The following CDH4 variants were observed in gnomAD, a reference collection of about 807,000 sequenced individuals.
The protein encoded by CDH4 is cadherin 4.
CDH4 carries 33 observed loss-of-function variants against 86.0 expected under a neutral mutation model. That is an observed-to-expected ratio of 0.38 (90% confidence interval 0.29 to 0.51). The LOEUF (loss-of-function observed/expected upper bound fraction) is 0.51. Ranked by LOEUF, CDH4 falls within the 20% of genes least tolerant of loss-of-function variation. CDH4 has a pLI of 0.86. For missense variants in CDH4, 1,114 were observed against 1,307.4 expected, an observed-to-expected ratio of 0.85 and a Z score of 2.28; for synonymous variants, 555 against 549.4, an observed-to-expected ratio of 1.01 and a Z score of -0.14.
At chr20:61,415,748 G>A (rs765993249) in intron 2 of CDH4, among the ~76,000 whole-genome samples, 22 of 151,992 alleles carry the variant, frequency 1.4e-4, no homozygotes, top group Admixed American at 2.6e-4. Flanking sequence ...CACCCAGGCC[G>A]AAGTGCAGTG....
intron 2 of CDH4, among the ~76,000 whole-genome samples, chr20:61,513,269 C>T (rs559884576): frequency 8.7e-4 from 132 of 152,326 alleles, no homozygotes; most frequent in African/African-American, 3.1e-3. Flanking sequence ...GCTGTGATGC[C>T]ACAAGGCTGC....
chr20:61,536,553 T>C (rs62199197), intron 2 of CDH4, among the ~76,000 whole-genome samples: 7,844 of 151,994 alleles, frequency 0.052, 268 homozygotes, highest in African/African-American at 0.082. Context: ...CTTCCGATGC[T>C]CCCCAGGCAC....
At chr20:61,443,361 C>A (rs1377751682) in intron 2 of CDH4, among the ~76,000 whole-genome samples, 1 of 152,194 alleles carries the variant, frequency 6.6e-6, no homozygotes, top group Non-Finnish European at 1.5e-5. Context: ...TGGTGTTAAA[C>A]CCTGAGCCGC....
At position 61,845,845 on chromosome 20, in the gene CDH4, G is replaced by A. The variant is rs530523608; in HGVS notation, c.732+1022G>A. On this transcript the variant is annotated intron_variant, in intron 5 of 15. Coordinates refer to ENST00000614565, the MANE Select transcript of CDH4 (RefSeq NM_001794.5). ...TTCCACCTTCGCTTGGCTTCAGTCA[G>A]TGGCACCGAACAGGGCCCGACCCTG... Among the ~76,000 whole-genome samples, 3 of 152,368 alleles carry A rather than the reference G, an allele frequency of 2.0e-5. No homozygotes were observed. The East Asian group carries it at 5.8e-4, about 29-fold the overall frequency.
At chr20:61,865,011 CCT>C (rs1046803146) in intron 6 of CDH4, among the ~76,000 whole-genome samples, 7 of 152,290 alleles carry the variant, frequency 4.6e-5, no homozygotes, top group East Asian at 1.9e-4. Context: ...TAAATCCACC[CCT>C]GAGTGGATTC....
At chr20:61,458,245 G>A (rs2085420617) in intron 2 of CDH4, among the ~76,000 whole-genome samples, 1 of 151,846 alleles carries the variant, frequency 6.6e-6, no homozygotes, top group African/African-American at 2.4e-5. Context: ...TGATGGTTAT[G>A]GTCATGATGT....
intron 2 of CDH4, among the ~76,000 whole-genome samples, chr20:61,625,052 C>T (rs976821768): frequency 1.3e-5 from 2 of 152,150 alleles, no homozygotes; most frequent in Admixed American, 6.5e-5. Flanking sequence ...CTTTTGTTTC[C>T]GAGTCATGGG....
chr20:61,803,895 G>T (rs1015356780), intron 4 of CDH4, among the ~76,000 whole-genome samples: 2 of 152,266 alleles, frequency 1.3e-5, no homozygotes, highest in Non-Finnish European at 2.9e-5. Context: ...GCTGCAGAGC[G>T]TGAGGCCGGC....
At chr20:61,543,473 T>C (rs936466268) in intron 2 of CDH4, among the ~76,000 whole-genome samples, 5 of 152,262 alleles carry the variant, frequency 3.3e-5, no homozygotes, top group African/African-American at 9.6e-5. Flanking sequence ...AAAATGTCGC[T>C]AAATTCACTA....
At chr20:61,343,382 G>C (rs912094649) in intron 2 of CDH4, among the ~76,000 whole-genome samples, 1 of 152,358 alleles carries the variant, frequency 6.6e-6, no homozygotes, top group Middle Eastern at 3.4e-3. Context: ...TGGGAGCCAG[G>C]AACATGAAAA....
intron 9 of CDH4, among the ~76,000 whole-genome samples, chr20:61,919,027 C>T (rs188049788): frequency 5.9e-5 from 9 of 152,250 alleles, no homozygotes; most frequent in Non-Finnish European, 1.2e-4. Flanking sequence ...TGTGCTACCA[C>T]GCTCAACTAA....
Position 61,663,754 on chromosome 20 carries a change from G to A in CDH4, c.170-79809G>A, listed in dbSNP as rs1008932473. On this transcript the variant is annotated intron_variant, in intron 2 of 15. Coordinates refer to ENST00000614565, the MANE Select transcript of CDH4 (RefSeq NM_001794.5). The surrounding 1 kb of genome is among the most constrained non-coding windows in gnomAD (Gnocchi z 5.0). ...CAGGGCTGACAGACGCGGGGTCGGG[G>A]GAAGATCAGGAGCTCCCGGTGTCCA... 2.0e-5 allele frequency among the ~76,000 whole-genome samples: 3 copies of A among 152,136 alleles called. No individual in the cohort carries two copies. The highest frequency in any genetic ancestry group is 4.8e-5 in the African/African-American group (2 of 41,420).
chr20:61,664,019 T>G (rs986340163), intron 2 of CDH4, among the ~76,000 whole-genome samples: 2 of 151,962 alleles, frequency 1.3e-5, no homozygotes, highest in African/African-American at 4.8e-5. Context: ...CCAGGCCTGG[T>G]GACAGGTGCT....
At chr20:61,756,244 A>G (rs1027991555) in intron 3 of CDH4, among the ~76,000 whole-genome samples, 5 of 151,418 alleles carry the variant, frequency 3.3e-5, no homozygotes, top group Admixed American at 6.6e-5. Context: ...GCTCCTCTCA[A>G]CCCTGGCCAG....
At chr20:61,906,098 C>T (rs2054785400) in intron 8 of CDH4, among the ~76,000 whole-genome samples, 1 of 152,244 alleles carries the variant, frequency 6.6e-6, no homozygotes, top group Non-Finnish European at 1.5e-5. Flanking sequence ...GCCGCCAGAA[C>T]TGACCCCTAA....
intron 2 of CDH4, among the ~76,000 whole-genome samples, chr20:61,420,213 C>G (rs1394607111): frequency 6.6e-6 from 1 of 152,250 alleles, no homozygotes; most frequent in African/African-American, 2.4e-5. Context: ...GAGCAAGCCT[C>G]CCTCTGCAGG....
At chr20:61,374,010 C>A (rs1013816507) in intron 2 of CDH4, among the ~76,000 whole-genome samples, 1 of 152,088 alleles carries the variant, frequency 6.6e-6, no homozygotes, top group Admixed American at 6.6e-5. Flanking sequence ...GCAGTGCGCA[C>A]GGCGGGTGTG....
At chr20:61,595,371 T>C (rs1463387101) in intron 2 of CDH4, among the ~76,000 whole-genome samples, 1 of 152,248 alleles carries the variant, frequency 6.6e-6, no homozygotes, top group African/African-American at 2.4e-5. Context: ...TCCCTTTGCA[T>C]GGAGTGTGCC....
In CDH4 at chr20:61,844,809, C is replaced by T; in HGVS notation, c.718C>T (p.His240Tyr). The change falls in exon 5 of 16, where the codon CAC becomes TAC. Residue 240 changes from histidine to tyrosine, a missense_variant. Physicochemically the swap from His to Tyr is moderately conservative, Grantham distance 83. Around this residue, in one of 3 missense-constraint regions of CDH4, gnomAD observed 705 missense variants for 914.1 expected, o/e 0.77. Transcript: ENST00000614565. ...CACAAGGCCCATGGACCGGGAGGAG[C>T]ACGCCTCTTACCACGTGAGTGTCCA... ...YVTRPMDREE[H>Y]ASYHLRAHAV... 6.2e-7 allele frequency: 1 copy of T among 1,612,630 alleles called. No homozygotes were observed. The highest frequency in any genetic ancestry group is 8.5e-7 in the Non-Finnish European group (1 of 1,179,098).
Sources: allele counts gnomAD v4.1 joint callset (sites outside exome capture counted in the v4.1 genomes callset), GRCh38; gene constraint gnomAD v4.1.1; regional missense constraint gnomAD v4.1.1; non-coding constraint Gnocchi (gnomAD v3.1); transcripts MANE v1.5; gene names NCBI Gene and HGNC (gene_info 2026-07-23, HGNC 2026-07-21).